The following KLC3 variants were observed in gnomAD, a reference collection of about 807,000 sequenced individuals.
The protein encoded by KLC3 is kinesin light chain 3.
KLC3 carries 72 observed loss-of-function variants against 62.9 expected under a neutral mutation model. That is an observed-to-expected ratio of 1.15 (90% CI 0.95 to 1.39). The LOEUF is 1.39. Ranked by LOEUF, KLC3 falls within the 40% of genes most tolerant of loss-of-function variation. The pLI, the probability that KLC3 is intolerant of heterozygous loss-of-function variation, is 0.00. For synonymous variants in KLC3, 377 were observed against 300.5 expected (o/e 1.25, Z -2.63); for missense variants, 848 against 691.6 (o/e 1.23, Z -2.54).
rs371326680 is a variant in KLC3 at position 45,350,988 on chromosome 19, G to A, written c.1414G>A (p.Val472Met). ...KRAMSLNTLN[V>M]DAPRAPGTQF... is the part of the protein sequence containing the mutation. The stretch of plus-strand genomic sequence containing the variant: ...AGCCATGTCACTCAACACACTGAAC[G>A]TGGATGCTCCAAGGGCTCCTGGGAC... Residue 472 changes from valine to methionine, a missense_variant, in exon 12 of 13, where the codon GTG (valine) becomes ATG (methionine). By Grantham distance (21) the Val-to-Met change is conservative (BLOSUM62 1). Coordinates refer to ENST00000391946, the MANE Select transcript of KLC3 (RefSeq NM_177417.3). 198 of 1,614,120 alleles carry A rather than the reference G, an allele frequency of 1.2e-4. No individual in the cohort carries two copies. Among genetic ancestry groups the A allele is most frequent in the Middle Eastern group, 3.3e-4 (2 of 6,062 alleles).
chr19:45,341,557 GT>G (rs1971394874), intron 1 of KLC3, among the ~76,000 whole-genome samples: 1 of 129,346 alleles, frequency 7.7e-6, no homozygotes, highest in African/African-American at 3.1e-5. Context: ...GCCTGTTGGT[GT>G]GTGTGTGTGT....
rs765153514 is a variant in KLC3 at position 45,351,317 on chromosome 19, GGACCCTCA to G, written c.1477_1484del (p.Thr493ArgfsTer?). 89 of 1,612,288 alleles carry G rather than the reference GGACCCTCA, an allele frequency of 5.5e-5. No homozygotes were observed. Among genetic ancestry groups the G allele is most frequent in the Non-Finnish European group, 7.1e-5 (84 of 1,179,986 alleles). ...AGCTGGCACCTGGACAAGGCCCCTCGGACCCTCAGCGCCAGCACCCAGGACCTGAGCCC... is the reference window on the plus strand; with the variant it reads ...AGCTGGCACCTGGACAAGGCCCCTCGGCGCCAGCACCCAGGACCTGAGCCC... On this transcript the variant is annotated frameshift_variant, in exon 13 of 13. Coordinates refer to ENST00000391946, the MANE Select transcript of KLC3 (RefSeq NM_177417.3). LOFTEE classifies it high-confidence loss of function.
intron 7 of KLC3, among the ~76,000 whole-genome samples, 155 bp downstream of exon 7, chr19:45,349,076 C>G (rs919568809): frequency 2.0e-5 from 3 of 152,124 alleles, no homozygotes; most frequent in Non-Finnish European, 4.4e-5. Flanking sequence ...ACCCATCACC[C>G]TTGACCTTCT....
rs747597891 is a variant in KLC3 at position 45,348,039 on chromosome 19, C to T, written c.658C>T (p.Gln220Ter). 4.4e-6 allele frequency: 7 copies of T among 1,605,318 alleles called. No homozygotes were observed. Among genetic ancestry groups the T allele is most frequent in the Non-Finnish European group, 8.5e-7 (1 of 1,176,180 alleles). The change falls in exon 5 of 13, where the codon CAG becomes TAG. Residue 220 changes from glutamine (Q) to a stop codon, truncating the protein, a stop_gained. Coordinates refer to ENST00000391946, the MANE Select transcript of KLC3 (RefSeq NM_177417.3). LOFTEE classifies it high-confidence loss of function. ...LHNLVIQYAG[Q>*]GRYEVAVPLC... ...TAACCTCGTGATCCAGTACGCGGGG[C>T]AGGGCCGCTATGAGGTGGCGGTGCC...
chr19:45,347,356 A>AG (rs931502825), intron 3 of KLC3, 91 bp from the exon 4 acceptor site: 1 of 935,730 alleles, frequency 1.1e-6, no homozygotes, highest in Non-Finnish European at 1.6e-6. Flanking sequence ...AAAAAAAAAA[A>AG]CAAAAAAACA....
At position 45,346,761 on chromosome 19, in the gene KLC3, C is replaced by G. The variant is rs76874841; in HGVS notation, c.476C>G (p.Pro159Arg). 129 of 1,580,284 alleles carry G rather than the reference C, an allele frequency of 8.2e-5. No homozygotes were observed. The East Asian group carries it at 2.9e-3, about 36-fold the overall frequency. ...GGGCAGCTGCGACAGTACGACCCAC[C>G]GGCGGAGAGCCAGGTGCCACGGGCA... ...FLGQLRQYDP[P>R]AESQQSESPP... Residue 159 changes from proline to arginine, a missense_variant, in exon 3 of 13, where the codon CCG becomes CGG. Coordinates refer to ENST00000391946, the MANE Select transcript of KLC3 (RefSeq NM_177417.3).
chr19:45,345,875 G>GT, intron 2 of KLC3, 76 bp downstream of exon 2: 1 of 1,387,156 alleles, frequency 7.2e-7, no homozygotes, highest in Non-Finnish European at 9.4e-7. Flanking sequence ...AGGGGGACAG[G>GT]TATGTAGGGG....
intron 3 of KLC3, chr19:45,347,102 G>C (rs1046857607): frequency 7.2e-6 from 3 of 416,108 alleles, no homozygotes; most frequent in East Asian, 9.0e-5. Context: ...CAACACTTTG[G>C]GAGGCCGAGG....
intron 7 of KLC3, among the ~76,000 whole-genome samples, chr19:45,349,150 C>T (rs1051159804): frequency 6.6e-6 from 1 of 152,154 alleles, no homozygotes. Flanking sequence ...CACCCTCCAA[C>T]TGGGTCCCCC....
rs777448513 is a variant in KLC3, at chr19:45,349,587, G to A, written c.1128G>A (p.Lys376=). 1.2e-6 allele frequency: 2 copies of A among 1,611,320 alleles called. No homozygotes were observed. The highest frequency in any genetic ancestry group is 1.3e-5 in the African/African-American group (1 of 74,968). The change falls in exon 8 of 13, where the codon AAG becomes AAA. Residue 376 remains lysine, a synonymous_variant. Transcript: ENST00000391946. ...GGCCCCATGACCCCAACGTGGCCAAGACCAAGAACAACCTGGTGAGGCCCC... is the reference window on the plus strand; with the variant it reads ...GGCCCCATGACCCCAACGTGGCCAAAACCAAGAACAACCTGGTGAGGCCCC... ...LGGPHDPNVA[K]TKNNLASAYL...
chr19:45,350,114 G>A (rs1000022619), intron 8 of KLC3: 148 of 557,170 alleles, frequency 2.7e-4, no homozygotes, highest in Non-Finnish European at 4.0e-4. Flanking sequence ...GGAAGGATAC[G>A]GCCAGGTCAG....
At chr19:45,347,832 C>G (rs1268101677) in intron 4 of KLC3, 109 bp from the exon 5 acceptor site, 1 of 915,854 alleles carries the variant, frequency 1.1e-6, no homozygotes, top group East Asian at 2.7e-5. Flanking sequence ...GGCCCATAGT[C>G]CCAGGGGCCA....
Position 45,345,711 on chromosome 19 carries a change from C to A in KLC3, c.170C>A (p.Pro57Gln), listed in dbSNP as rs569097340. ...GCGGAGGCCCTGGCGGGACAGGGCC[C>A]GGCAGCCGGCTTGGAGATGCTGGAG... The part of the protein sequence containing the change: ...HLAEALAGQG[P>Q]AAGLEMLEEK... The change falls in exon 2 of 13, where the codon CCG becomes CAG. Residue 57 changes from proline (P) to glutamine (Q), a missense_variant. Pro to Gln is a moderately conservative substitution (Grantham distance 76). Transcript: ENST00000391946. 3.8e-6 allele frequency: 6 copies of A among 1,564,872 alleles called. No homozygotes were observed. Among genetic ancestry groups the A allele is most frequent in the Non-Finnish European group, 5.2e-6 (6 of 1,155,876 alleles).
intron 2 of KLC3, 90 bp downstream of exon 2, chr19:45,345,889 G>A: frequency 3.2e-6 from 4 of 1,235,030 alleles, no homozygotes; most frequent in Non-Finnish European, 4.1e-6. Context: ...GTAGGGGACT[G>A]GGAGAGGGTT....
At chr19:45,347,403 A>G in intron 3 of KLC3, 44 bp from the exon 4 acceptor site, 1 of 1,500,528 alleles carries the variant, frequency 6.7e-7, no homozygotes, top group South Asian at 1.2e-5. Flanking sequence ...GGTCTCTGAA[A>G]CAAGCCCCCA....
Position 45,350,918 on chromosome 19 carries a change from G to C in KLC3, c.1380-36G>C, listed in dbSNP as rs769815486. On this transcript the variant is annotated intron_variant, in intron 11 of 12. Transcript: ENST00000391946. ...CCCTCGTGGAGGGGGGCCACTCCTG[G>C]ATTCACTCATTTCCTCCCTGCTGCC... The C allele has an allele frequency of 4.4e-6, 7 of 1,608,186 alleles. No individual in the cohort carries two copies. The Middle Eastern group carries it at 1.2e-3, about 265-fold the overall frequency.
At chr19:45,349,755 A>G (rs1431269264) in intron 8 of KLC3, 153 bp downstream of exon 8, 2 of 705,516 alleles carry the variant, frequency 2.8e-6, no homozygotes, top group Non-Finnish European at 4.5e-6. Flanking sequence ...GAGCTGGCTC[A>G]GCACAGAACA....
intron 12 of KLC3, 98 bp downstream of exon 12, chr19:45,351,115 G>T: frequency 1.2e-6 from 2 of 1,607,594 alleles, no homozygotes; most frequent in African/African-American, 2.7e-5. Flanking sequence ...GGAGTCAGCA[G>T]GTGGTGGGTT....
At chr19:45,345,853 G>C (rs570895394) in intron 2 of KLC3, 54 bp downstream of exon 2, 1 of 1,498,634 alleles carries the variant, frequency 6.7e-7, no homozygotes, top group African/African-American at 1.4e-5. Context: ...GGCGGAGGGA[G>C]GGCCAGGCAT....
Sources: gnomAD v4.1 joint callset for allele counts (sites outside exome capture counted in the v4.1 genomes callset) on GRCh38, gnomAD v4.1.1 for gene constraint, MANE v1.5 for transcripts, NCBI Gene and HGNC (gene_info 2026-07-23, HGNC 2026-07-21) for gene names.